SEMA6D: variants seen among roughly 807,000 people sequenced by gnomAD.
SEMA6D encodes semaphorin-6D.
A neutral mutation model predicts 106.6 loss-of-function variants in SEMA6D; 35 were observed. That is an observed-to-expected ratio of 0.33 (90% CI 0.25 to 0.44). The LOEUF is 0.44. SEMA6D is among the 20% of genes least tolerant of loss of function. The probability of loss-of-function intolerance (pLI) is 1.00; values close to 1 mark genes in which losing one functional copy is unlikely to be tolerated. For missense variants in SEMA6D, 1,185 were observed against 1,345.9 expected, an observed-to-expected ratio of 0.88 and a Z score of 1.87; for synonymous variants, 499 against 487.7, an observed-to-expected ratio of 1.02 and a Z score of -0.31.
intron 2 of SEMA6D, among the ~76,000 whole-genome samples, chr15:47,418,599 C>T (rs2041054176): frequency 6.6e-6 from 1 of 152,044 alleles, no homozygotes; most frequent in Non-Finnish European, 1.5e-5. Context: ...CCAAACACCC[C>T]ACCTCTTGAT....
intron 1 of SEMA6D, among the ~76,000 whole-genome samples, chr15:47,263,091 A>G (rs751557321): frequency 6.6e-6 from 1 of 152,090 alleles, no homozygotes; most frequent in Non-Finnish European, 1.5e-5. Flanking sequence ...AACTATAAAA[A>G]CCCTGGAAGA....
chr15:47,221,157 A>G (rs140159038), intron 1 of SEMA6D, among the ~76,000 whole-genome samples: 1,882 of 152,282 alleles, frequency 0.012, 44 homozygotes, highest in Admixed American at 0.012. Flanking sequence ...TTTGGCCAAT[A>G]GAAGATAACC....
Position 47,365,890 on chromosome 15 carries a change from GGA to G in SEMA6D, c.-238-46470_-238-46469del, listed in dbSNP as rs201368884. On this transcript the variant is annotated intron_variant, in intron 1 of 19. Transcript: ENST00000558014. ...AAAGAAAGAAAGAGAGAGAGAGAGAGGAGAGAGAGAGAGAGAGAGAGAGAGAG... is the reference window on the plus strand; with the variant it reads ...AAAGAAAGAAAGAGAGAGAGAGAGAGGAGAGAGAGAGAGAGAGAGAGAGAG... Among the ~76,000 whole-genome samples the G allele has an allele frequency of 3.9e-3, 465 of 119,804 alleles. 3 individuals are homozygous for G. Among genetic ancestry groups the G allele is most frequent in the Middle Eastern group, 8.1e-3 (2 of 248 alleles). The allele number at this position is 119,804 out of a possible 152,430, so 78.6% of individuals were successfully genotyped here.
intron 1 of SEMA6D, among the ~76,000 whole-genome samples, chr15:47,206,938 C>A (rs1241905792): frequency 3.3e-5 from 5 of 151,958 alleles, no homozygotes; most frequent in African/African-American, 1.2e-4. Context: ...GAAGCCTCTC[C>A]AAAAATGCCT....
chr15:47,616,854 C>G (rs1693034124), intron 4 of SEMA6D, among the ~76,000 whole-genome samples: 1 of 152,184 alleles, frequency 6.6e-6, no homozygotes, highest in African/African-American at 2.4e-5. Flanking sequence ...TACCTTCTCC[C>G]AACAGCTCTA....
intron 1 of SEMA6D, chr15:47,718,894 C>T (rs538323558): frequency 2.6e-5 from 4 of 152,322 alleles, no homozygotes; most frequent in South Asian, 2.1e-4. Flanking sequence ...TTTTATTTCC[C>T]GTCTTGACAG....
intron 1 of SEMA6D, among the ~76,000 whole-genome samples, chr15:47,336,589 A>T (rs1042696485): frequency 2.0e-5 from 3 of 152,144 alleles, no homozygotes; most frequent in South Asian, 4.1e-4. Context: ...TGAAATACCC[A>T]CGATGCTTTG....
Position 47,609,207 on chromosome 15 carries a change from G to A in SEMA6D, c.-55+8311G>A, listed in dbSNP as rs1282429855. Among the ~76,000 whole-genome samples the A allele has an allele frequency of 4.6e-5, 7 of 152,234 alleles. No individual in the cohort carries two copies. In the South Asian group the frequency reaches 8.3e-4, roughly 18 times the overall value. ...TAGGGTTTCTGTCTGTAACTTTTGC[G>A]TCTATGTTACCTTTACAGCCCATTA... On this transcript the variant is annotated intron_variant, in intron 4 of 19. Coordinates refer to the SEMA6D transcript ENST00000558014.
At chr15:47,354,201 A>C (rs58703233) in intron 1 of SEMA6D, among the ~76,000 whole-genome samples, 867 of 9,930 alleles carry the variant, frequency 0.087, 31 homozygotes, top group East Asian at 0.46. Context: ...CTCTCTCTCT[A>C]TATATATATA....
chr15:47,695,497 T>TAC (rs140779576), intron 4 of SEMA6D, among the ~76,000 whole-genome samples: 4 of 151,670 alleles, frequency 2.6e-5, no homozygotes, highest in Admixed American at 1.3e-4. Flanking sequence ...AGGGAAATGT[T>TAC]ACACACACAC....
At chr15:47,240,368 A>C (rs2141746411) in intron 1 of SEMA6D, among the ~76,000 whole-genome samples, 1 of 152,306 alleles carries the variant, frequency 6.6e-6, no homozygotes, top group Non-Finnish European at 1.5e-5. Flanking sequence ...GATTATTTTT[A>C]GGTAAAATGA....
intron 1 of SEMA6D, among the ~76,000 whole-genome samples, chr15:47,247,880 G>A (rs527865242): frequency 6.6e-6 from 1 of 152,276 alleles, no homozygotes; most frequent in East Asian, 1.9e-4. Flanking sequence ...GTAGTGAGCT[G>A]GGAACTGTGT....
chr15:47,767,087 A>C lies in SEMA6D; in HGVS notation c.1759A>C (p.Thr587Pro), dbSNP rs1378794900. Residue 587 changes from threonine to proline, a missense_variant, in exon 17 of 19, where the codon ACA (threonine) becomes CCA (proline). Thr to Pro is a conservative substitution (Grantham distance 38, BLOSUM62 -1). This residue lies in a region of SEMA6D where 750 missense variants were observed against 783.5 expected (regional missense o/e 0.96). Coordinates refer to ENST00000536845, the MANE Select transcript of SEMA6D (RefSeq NM_001358351.3). ...TPDYKIFGGP[T>P]SDMEVSSSSV... is the part of the protein sequence containing the mutation. Reference sequence around the variant, plus strand: ...AGATTACAAAATATTTGGCGGTCCAACATCTGGTTAGTTTTTTTTAATTTT... The same window carrying C: ...AGATTACAAAATATTTGGCGGTCCACCATCTGGTTAGTTTTTTTTAATTTT... 13 of 1,567,008 alleles carry C rather than the reference A, an allele frequency of 8.3e-6. No homozygotes were observed. Among genetic ancestry groups the C allele is most frequent in the African/African-American group, 1.4e-5 (1 of 72,636 alleles).
At chr15:47,585,153 A>G (rs2076315226) in intron 3 of SEMA6D, among the ~76,000 whole-genome samples, 1 of 152,242 alleles carries the variant, frequency 6.6e-6, no homozygotes, top group African/African-American at 2.4e-5. Context: ...GTGACCTCAC[A>G]TAATACAGCA....
At chr15:47,266,737 A>G (rs982610680) in intron 1 of SEMA6D, among the ~76,000 whole-genome samples, 7 of 152,074 alleles carry the variant, frequency 4.6e-5, no homozygotes, top group Non-Finnish European at 1.0e-4. Context: ...ATAACCATCT[A>G]GGAGCTGAGG....
At chr15:47,693,799 G>T (rs2078640927) in intron 4 of SEMA6D, among the ~76,000 whole-genome samples, 2 of 152,056 alleles carry the variant, frequency 1.3e-5, no homozygotes, top group Admixed American at 1.3e-4. Flanking sequence ...AGCTGGGTAT[G>T]GTGGCTCATT....
intron 4 of SEMA6D, among the ~76,000 whole-genome samples, chr15:47,697,290 C>T (rs1267993951): frequency 2.0e-5 from 3 of 152,112 alleles, no homozygotes; most frequent in Admixed American, 2.0e-4. Context: ...CATGTCTGTT[C>T]ACAGGTGTTC....
chr15:47,567,060 A>G (rs968820625), intron 3 of SEMA6D, among the ~76,000 whole-genome samples: 1 of 152,224 alleles, frequency 6.6e-6, no homozygotes, highest in African/African-American at 2.4e-5. Flanking sequence ...TTCTGCCACC[A>G]GTATTTATAG....
At chr15:47,537,468 C>T (rs2045207111) in intron 3 of SEMA6D, among the ~76,000 whole-genome samples, 2 of 152,134 alleles carry the variant, frequency 1.3e-5, no homozygotes, top group South Asian at 4.2e-4. Flanking sequence ...CATTATGAGA[C>T]ATTGGAAAGT....
Sources: allele counts gnomAD v4.1 joint callset (sites outside exome capture counted in the v4.1 genomes callset), GRCh38; gene constraint gnomAD v4.1.1; regional missense constraint gnomAD v4.1.1; transcripts MANE v1.5; gene names NCBI Gene and HGNC (gene_info 2026-07-23, HGNC 2026-07-21).